COL28A1: variants seen among roughly 807,000 people sequenced by gnomAD.
COL28A1 encodes collagen alpha-1(XXVIII) chain.
A neutral mutation model predicts 150.2 loss-of-function variants in COL28A1; 161 were observed. The observed-to-expected ratio is 1.07, with a 90% CI of 0.94 to 1.22. COL28A1 has a LOEUF of 1.22. Among genes scored for constraint, COL28A1 ranks in the 50% most tolerant of loss-of-function variants. COL28A1 has a pLI of 0.00. For synonymous variants in COL28A1, 552 were observed against 469.7 expected (o/e 1.18, Z -2.26); for missense variants, 1,617 against 1,388.3 (o/e 1.16, Z -2.62).
downstream of COL28A1, among the ~76,000 whole-genome samples, chr7:7,354,028 A>T (rs1003500635): frequency 6.8e-6 from 1 of 147,658 alleles, no homozygotes; most frequent in African/African-American, 2.6e-5. Context: ...GAGAAAAAAA[A>T]ATTTTTTTTT....
At chr7:7,403,846 G>A (rs1399265545) in intron 27 of COL28A1, among the ~76,000 whole-genome samples, 1 of 151,998 alleles carries the variant, frequency 6.6e-6, no homozygotes, top group African/African-American at 2.4e-5. Flanking sequence ...TTATATACCT[G>A]GCATCAATTT....
At position 7,489,562 on chromosome 7, in the gene COL28A1, C is replaced by T. The variant is rs186175323; in HGVS notation, c.1096-105G>A. On this transcript the variant is annotated intron_variant, in intron 12 of 34. Coordinates refer to ENST00000399429, the MANE Select transcript of COL28A1 (RefSeq NM_001037763.3). The stretch of plus-strand genomic sequence containing the variant: ...CAACAAGGATAAATAGCGAAATAGA[C>T]AAAATGTTGGTTTTCATAAAGGTAA... 6 of 721,338 alleles carry T rather than the reference C, an allele frequency of 8.3e-6. No homozygotes were observed. The African/African-American group carries it at 1.1e-4, about 13-fold the overall frequency. 44.7% of individuals were successfully genotyped at this position (721,338 alleles called of 1,614,324 possible). A position where few individuals can be genotyped will look rare whatever the true frequency, so the allele number is the denominator to read the frequency against.
At chr7:7,513,876 T>C (rs1242623152) in intron 8 of COL28A1, among the ~76,000 whole-genome samples, 1 of 152,220 alleles carries the variant, frequency 6.6e-6, no homozygotes, top group Non-Finnish European at 1.5e-5. Flanking sequence ...TTTGGTGGGC[T>C]CATTAATCCC....
chr7:7,485,882 A>G lies in COL28A1; in HGVS notation c.1164+3507T>C, dbSNP rs143421493. Among the ~76,000 whole-genome samples, 88 of 152,286 alleles carry G rather than the reference A, an allele frequency of 5.8e-4. 2 individuals are homozygous for G. In the East Asian group the frequency reaches 0.013, roughly 22 times the overall value. On this transcript the variant is annotated intron_variant, in intron 13 of 34. Coordinates refer to ENST00000399429, the MANE Select transcript of COL28A1 (RefSeq NM_001037763.3). ...ATATAATAAATCTTAAGACCAGAAA[A>G]GTTAGTATAATTTCTCCAAGTGTAT... is the stretch of plus-strand genomic sequence containing the variant.
intron 23 of COL28A1, among the ~76,000 whole-genome samples, chr7:7,432,961 A>G (rs948968697): frequency 4.7e-4 from 2 of 4,258 alleles, no homozygotes; most frequent in African/African-American, 6.3e-3. Context: ...TGAGTGTGGG[A>G]TAACTAGTTT....
In COL28A1 at chr7:7,531,441, T is replaced by G. The variant is rs367544452; in HGVS notation, c.588A>C (p.Glu196Asp). 5.6e-6 allele frequency: 9 copies of G among 1,600,642 alleles called. No homozygotes were observed. In the African/African-American group the frequency reaches 1.2e-4, roughly 21 times the overall value. ...ITIALSTVVN[E>D]AKLRLISGDS... The stretch of plus-strand genomic sequence containing the variant: ...CCCCAGAAATCAAACGAAGTTTGGC[T>G]TCATTGACTACCGTAGAAAGTGCAA... The change falls in exon 3 of 35, where the codon GAA becomes GAC. Residue 196 changes from glutamate (E) to aspartate (D), a missense_variant. Glu to Asp is a conservative substitution (Grantham distance 45). Transcript: ENST00000399429.
intron 33 of COL28A1, among the ~76,000 whole-genome samples, chr7:7,370,440 G>A (rs1781164901): frequency 2.0e-5 from 3 of 152,266 alleles, no homozygotes; most frequent in African/African-American, 7.2e-5. Flanking sequence ...ATCTGTTTCA[G>A]CATACATGGT....
intron 11 of COL28A1, among the ~76,000 whole-genome samples, chr7:7,497,410 T>C (rs971593043): frequency 2.6e-5 from 4 of 152,174 alleles, no homozygotes; most frequent in Admixed American, 2.0e-4. Flanking sequence ...GTAGTTACTG[T>C]TATTAACTTA....
intron 11 of COL28A1, among the ~76,000 whole-genome samples, chr7:7,504,305 T>G (rs1780689951): frequency 6.6e-6 from 1 of 151,898 alleles, no homozygotes; most frequent in Non-Finnish European, 1.5e-5. Flanking sequence ...CAGACTCAAC[T>G]GGGCAACAAA....
At chr7:7,443,685 C>A (rs1321855058) in intron 19 of COL28A1, 32 bp from the exon 20 acceptor site, 3 of 1,613,320 alleles carry the variant, frequency 1.9e-6, no homozygotes, top group Non-Finnish European at 2.5e-6. Context: ...TGTTAGCTGA[C>A]CCTCCAGTAG....
intron 27 of COL28A1, among the ~76,000 whole-genome samples, chr7:7,392,469 G>A (rs886485515): frequency 9.2e-5 from 14 of 151,894 alleles, no homozygotes; most frequent in African/African-American, 2.4e-4. Flanking sequence ...TGCTCTTCTC[G>A]AGGAGTATCT....
intron 16 of COL28A1, among the ~76,000 whole-genome samples, chr7:7,455,529 G>GGGGCAAA (rs1562709074): frequency 2.2e-3 from 330 of 152,174 alleles, no homozygotes; most frequent in African/African-American, 7.4e-3. Flanking sequence ...TCTGTGTTTT[G>GGGGCAAA]CTTCTATTCC....
downstream of COL28A1, among the ~76,000 whole-genome samples, chr7:7,351,771 G>C (rs1452332059): frequency 1.3e-5 from 2 of 152,048 alleles, no homozygotes; most frequent in Admixed American, 6.6e-5. Context: ...GTGTGTGTAT[G>C]AGTGAGTGTG....
At chr7:7,457,381 G>C (rs1414423435) in intron 15 of COL28A1, among the ~76,000 whole-genome samples, 1 of 152,148 alleles carries the variant, frequency 6.6e-6, no homozygotes, top group East Asian at 1.9e-4. Flanking sequence ...ATTTGCTGAG[G>C]ACTGAAAGGA....
chr7:7,464,206 T>C (rs942729606), intron 15 of COL28A1, among the ~76,000 whole-genome samples: 1 of 151,952 alleles, frequency 6.6e-6, no homozygotes, highest in Admixed American at 6.5e-5. Context: ...AGCAACACAA[T>C]AATAGTGGGG....
intron 23 of COL28A1, among the ~76,000 whole-genome samples, chr7:7,433,770 T>A (rs1050085469): frequency 2.6e-5 from 4 of 152,178 alleles, no homozygotes; most frequent in African/African-American, 4.8e-5. Context: ...CAACAGCCCT[T>A]GTCAATATGC....
intron 3 of COL28A1, among the ~76,000 whole-genome samples, chr7:7,526,613 T>A (rs1782038366): frequency 6.6e-6 from 1 of 152,136 alleles, no homozygotes; most frequent in South Asian, 2.1e-4. Context: ...CACTTTAAAA[T>A]CTTTTAACAA....
intron 27 of COL28A1, among the ~76,000 whole-genome samples, chr7:7,401,389 G>C (rs963038187): frequency 1.3e-5 from 2 of 151,950 alleles, no homozygotes; most frequent in African/African-American, 4.8e-5. Context: ...CCTCTCCCCT[G>C]AACTCCAGAT....
intron 25 of COL28A1, among the ~76,000 whole-genome samples, chr7:7,429,968 T>C (rs1217529041): frequency 1.3e-5 from 2 of 152,184 alleles, no homozygotes; most frequent in East Asian, 1.9e-4. Context: ...AAGATGAAGT[T>C]TTGAACCCTT....
Sources: gnomAD v4.1 joint callset for allele counts (sites outside exome capture counted in the v4.1 genomes callset) on GRCh38, gnomAD v4.1.1 for gene constraint, MANE v1.5 for transcripts, NCBI Gene and HGNC (gene_info 2026-07-23, HGNC 2026-07-21) for gene names.